The following LGR5 variants were observed in gnomAD, a reference collection of about 807,000 sequenced individuals.
The protein encoded by LGR5 is leucine rich repeat containing G protein-coupled receptor 5.
In LGR5, 54 loss-of-function variants were observed where a neutral mutation model predicts 76.7. The ratio of observed to expected loss-of-function variants is 0.70; its 90% CI spans 0.57 to 0.88. The LOEUF is 0.88. LGR5 is among the 40% of genes least tolerant of loss of function. The probability of loss-of-function intolerance (pLI) is 0.00; values close to 1 mark genes in which losing one functional copy is unlikely to be tolerated. For missense variants in LGR5, 1,078 were observed against 1,073.3 expected, an observed-to-expected ratio of 1.00 and a Z score of -0.06; for synonymous variants, 406 against 421.9, an observed-to-expected ratio of 0.96 and a Z score of 0.46.
At chr12:71,582,428 AATC>A in intron 16 of LGR5, 25 bp from the exon 17 acceptor site, 1 of 1,597,194 alleles carries the variant, frequency 6.3e-7, no homozygotes, top group Non-Finnish European at 8.6e-7. Context: ...AGTCAGAACT[AATC>A]ATTCCAGGAC....
At chr12:71,553,020 CCTT>C (rs1877567233) in intron 4 of LGR5, 50 bp from the exon 5 acceptor site, 1 of 1,546,316 alleles carries the variant, frequency 6.5e-7, no homozygotes, top group South Asian at 1.1e-5. Flanking sequence ...GCAAAGTTGA[CCTT>C]CTGCTTGGGC....
At chr12:71,490,578 C>T (rs751803858) in intron 1 of LGR5, among the ~76,000 whole-genome samples, 2 of 152,078 alleles carry the variant, frequency 1.3e-5, no homozygotes, top group South Asian at 2.1e-4. Flanking sequence ...ATGTTGAACT[C>T]GTAGGTAAAG....
At chr12:71,565,447 T>C (rs1878297224) in intron 8 of LGR5, among the ~76,000 whole-genome samples, 1 of 120,830 alleles carries the variant, frequency 8.3e-6, no homozygotes, top group African/African-American at 3.1e-5. Flanking sequence ...TATATATAGC[T>C]CATATATAGA....
intron 1 of LGR5, 28 bp from the exon 2 acceptor site, chr12:71,504,586 C>T (rs375856851): frequency 1.2e-5 from 19 of 1,597,644 alleles, no homozygotes; most frequent in Non-Finnish European, 1.5e-5. Flanking sequence ...TTTGCTGCTC[C>T]TCACACGCTG....
intron 11 of LGR5, among the ~76,000 whole-genome samples, chr12:71,570,433 C>A (rs1460481255): frequency 6.6e-6 from 1 of 152,114 alleles, no homozygotes; most frequent in Non-Finnish European, 1.5e-5. Flanking sequence ...AAGAGGTAGA[C>A]AATGAAGGAG....
chr12:71,555,226 CT>C (rs1877698450), intron 5 of LGR5, among the ~76,000 whole-genome samples: 1 of 152,138 alleles, frequency 6.6e-6, no homozygotes, highest in African/African-American at 2.4e-5. Context: ...AATTTCTACA[CT>C]GAATTTCACA....
At chr12:71,565,422 C>CTATATATATATATATATATATATA (rs1209363296) in intron 8 of LGR5, among the ~76,000 whole-genome samples, 132 of 13,802 alleles carry the variant, frequency 9.6e-3, no homozygotes, top group Middle Eastern at 0.042. Context: ...ATCAATTGAG[C>CTATATATATATATATATATATATA]TATATATATA....
chr12:71,559,435 A>G (rs558078084), intron 6 of LGR5, 151 bp from the exon 7 acceptor site: 379 of 577,680 alleles, frequency 6.6e-4, no homozygotes, highest in Admixed American at 1.9e-3. Flanking sequence ...GGTAGTCAGC[A>G]AGCCAAGAAA....
At chr12:71,572,383 A>G (rs1351408989) in intron 12 of LGR5, among the ~76,000 whole-genome samples, 3 of 152,166 alleles carry the variant, frequency 2.0e-5, no homozygotes, top group African/African-American at 4.8e-5. Flanking sequence ...CGCCCGGCCA[A>G]ACTTGTTGTT....
chr12:71,569,608 A>G (rs895097310), intron 11 of LGR5, among the ~76,000 whole-genome samples: 3 of 152,272 alleles, frequency 2.0e-5, no homozygotes, highest in African/African-American at 7.2e-5. Flanking sequence ...CCACAATGAG[A>G]TACCATCTCA....
At chr12:71,495,143 A>G (rs1874257783) in intron 1 of LGR5, among the ~76,000 whole-genome samples, 1 of 151,134 alleles carries the variant, frequency 6.6e-6, no homozygotes, top group South Asian at 2.1e-4. Context: ...AGCACAGCAA[A>G]ATTTTAGAGT....
intron 2 of LGR5, among the ~76,000 whole-genome samples, chr12:71,517,887 G>A (rs1039642113): frequency 2.6e-5 from 4 of 151,958 alleles, no homozygotes; most frequent in Non-Finnish European, 4.4e-5. Flanking sequence ...AGTATAAAAC[G>A]TTGCTCCTCT....
chr12:71,579,063 C>A, intron 15 of LGR5, 134 bp downstream of exon 15: 1 of 719,378 alleles, frequency 1.4e-6, no homozygotes, highest in Non-Finnish European at 2.1e-6. Context: ...GTCTCCTAAC[C>A]CTGGAGCATT....
At chr12:71,455,141 G>A (rs11178806) in intron 1 of LGR5, among the ~76,000 whole-genome samples, 9,127 of 152,080 alleles carry the variant, frequency 0.06, 950 homozygotes, top group African/African-American at 0.21. Context: ...TCTGAGGGAA[G>A]GAGCTAGGCA....
intron 1 of LGR5, among the ~76,000 whole-genome samples, chr12:71,499,202 AG>A (rs1874479839): frequency 6.6e-6 from 1 of 152,160 alleles, no homozygotes; most frequent in African/African-American, 2.4e-5. Context: ...ATGGTGATCC[AG>A]GAGAGCAACA....
At chr12:71,463,381 G>T (rs1379335846) in intron 1 of LGR5, among the ~76,000 whole-genome samples, 1 of 152,162 alleles carries the variant, frequency 6.6e-6, no homozygotes, top group African/African-American at 2.4e-5. Flanking sequence ...GTTTACTTAG[G>T]CTTTAGCATT....
At chr12:71,527,687 C>A (rs1011893065) in intron 3 of LGR5, among the ~76,000 whole-genome samples, 1 of 152,176 alleles carries the variant, frequency 6.6e-6, no homozygotes, top group African/African-American at 2.4e-5. Flanking sequence ...AAAGGCTCTA[C>A]CCAACACCTC....
At chr12:71,537,276 G>A (rs1175737036) in intron 4 of LGR5, among the ~76,000 whole-genome samples, 1 of 151,444 alleles carries the variant, frequency 6.6e-6, no homozygotes, top group Non-Finnish European at 1.5e-5. Context: ...GCAACATAGT[G>A]AGACACCCCC....
intron 1 of LGR5, among the ~76,000 whole-genome samples, chr12:71,456,889 G>A (rs1357822565): frequency 2.0e-5 from 3 of 152,084 alleles, no homozygotes. Flanking sequence ...GAAAGGTAAA[G>A]ATATATCTTT....
Sources: gnomAD v4.1 joint callset for allele counts (sites outside exome capture counted in the v4.1 genomes callset) on GRCh38, gnomAD v4.1.1 for gene constraint, MANE v1.5 for transcripts, NCBI Gene and HGNC (gene_info 2026-07-23, HGNC 2026-07-21) for gene names.